The following RFTN1 variants were observed in gnomAD, a reference collection of about 807,000 sequenced individuals.
The protein encoded by RFTN1 is raftlin.
Under a neutral mutation model 46.5 loss-of-function variants are expected in RFTN1, and 26 were observed. That is an observed-to-expected ratio of 0.56 (90% CI 0.41 to 0.78). The LOEUF (loss-of-function observed/expected upper bound fraction) is 0.78, where lower values mean the gene tolerates loss of function less well. Among genes scored for constraint, RFTN1 ranks in the 30% least tolerant of loss-of-function variants. The pLI is 0.00. For synonymous variants in RFTN1, 261 were observed against 284.2 expected (o/e 0.92, Z 0.82); for missense variants, 693 against 718.7 (o/e 0.96, Z 0.41).
In RFTN1 at chr3:16,486,460, C is replaced by T. The variant is rs150347694; in HGVS notation, c.145+7265G>A. Reference sequence around the variant, plus strand: ...AACATGCTCCAACCAAACTGAACTGCCTGTGGCTCCCCACATATGCAGGGT... The same window carrying T: ...AACATGCTCCAACCAAACTGAACTGTCTGTGGCTCCCCACATATGCAGGGT... On this transcript the variant is annotated intron_variant, in intron 2 of 9. Transcript: ENST00000334133. Among the ~76,000 whole-genome samples the T allele has an allele frequency of 5.3e-4, 81 of 152,318 alleles. 1 individual carries two copies. In the East Asian group the frequency reaches 0.013, roughly 24 times the overall value.
intron 4 of RFTN1, among the ~76,000 whole-genome samples, chr3:16,390,387 C>T (rs948965331): frequency 2.0e-5 from 3 of 152,220 alleles, no homozygotes; most frequent in African/African-American, 7.2e-5. Context: ...CTTCAGAGAT[C>T]TGCTTTAATA....
chr3:16,493,925 T>C, intron 1 of RFTN1, 48 bp from the exon 2 acceptor site: 3 of 1,609,574 alleles, frequency 1.9e-6, no homozygotes, highest in South Asian at 1.1e-5. Context: ...TTCTGAGATT[T>C]TGTCTTTAAA....
rs778098477 is a variant in RFTN1, at chr3:16,356,415, G to A, written c.1146+1517C>T. Among the ~76,000 whole-genome samples the A allele has an allele frequency of 2.0e-5, 3 of 152,288 alleles. No homozygotes were observed. The highest frequency in any genetic ancestry group is 4.4e-5 in the Non-Finnish European group (3 of 68,034). On this transcript the variant is annotated intron_variant, in intron 7 of 9. Transcript: ENST00000334133. The surrounding 1 kb of genome is among the most constrained non-coding windows in gnomAD (Gnocchi z 4.9). ...TGACTTTCCAACTCCTGCTTCTGACGACTCCAGTTCCTTTGGGTACTCCAT... is the reference window on the plus strand; with the variant it reads ...TGACTTTCCAACTCCTGCTTCTGACAACTCCAGTTCCTTTGGGTACTCCAT...
chr3:16,513,067 C>T lies in RFTN1; in HGVS notation c.-9+375G>A, dbSNP rs1693735244. 6.6e-6 allele frequency: 1 copy of T among 152,578 alleles called. No homozygotes were observed. Among genetic ancestry groups the T allele is most frequent in the Non-Finnish European group, 1.5e-5 (1 of 68,302 alleles). The allele number at this position is 152,578 out of a possible 1,614,324, so 9.5% of individuals were successfully genotyped here. Reference sequence around the variant, plus strand: ...ACCCCAGCGGCAGTGTGTCCTGGACCCACCTGTAGCCTCCAAGCTCCCCCA... The same window carrying T: ...ACCCCAGCGGCAGTGTGTCCTGGACTCACCTGTAGCCTCCAAGCTCCCCCA... On this transcript the variant is annotated intron_variant, in intron 1 of 9. Coordinates refer to ENST00000334133, the MANE Select transcript of RFTN1 (RefSeq NM_015150.2). This position sits in a 1 kb window ranked among gnomAD's most constrained non-coding sequence, Gnocchi z 5.4.
At chr3:16,372,507 A>C (rs546608235) in intron 5 of RFTN1, among the ~76,000 whole-genome samples, 1 of 152,232 alleles carries the variant, frequency 6.6e-6, no homozygotes, top group South Asian at 2.1e-4. Flanking sequence ...GCTACAGTCA[A>C]GCACAAATGC....
At chr3:16,495,831 C>A (rs975059995) in intron 1 of RFTN1, among the ~76,000 whole-genome samples, 1 of 152,248 alleles carries the variant, frequency 6.6e-6, no homozygotes, top group Non-Finnish European at 1.5e-5. Context: ...CTGAGCACAG[C>A]AAGGTCTGGA....
chr3:16,470,122 A>C (rs751553426), intron 2 of RFTN1, among the ~76,000 whole-genome samples: 2 of 152,124 alleles, frequency 1.3e-5, no homozygotes, highest in Admixed American at 1.3e-4. Context: ...TCATTTGTCT[A>C]TCTTTAAAAT....
rs1298796241 is a variant in RFTN1 at position 16,329,154 on chromosome 3, TC to T, written c.1147-2279del. ...GCTACAAGTTCAGTCTCCTGCTCTC[TC>T]CCCTCTTTTCTGCGCTTCCGCCTCG... On this transcript the variant is annotated intron_variant, in intron 7 of 9. Coordinates refer to ENST00000334133, the MANE Select transcript of RFTN1 (RefSeq NM_015150.2). This position sits in a 1 kb window ranked among gnomAD's most constrained non-coding sequence, Gnocchi z 4.5. Among the ~76,000 whole-genome samples, 2 of 152,190 alleles carry T rather than the reference TC, an allele frequency of 1.3e-5. No homozygotes were observed. Among genetic ancestry groups the T allele is most frequent in the African/African-American group, 4.8e-5 (2 of 41,444 alleles).
Position 16,342,797 on chromosome 3 carries a change from G to A in RFTN1, c.1146+15135C>T, listed in dbSNP as rs1289677691. On this transcript the variant is annotated intron_variant, in intron 7 of 9. Coordinates refer to ENST00000334133, the MANE Select transcript of RFTN1 (RefSeq NM_015150.2). The surrounding 1 kb of genome is among the most constrained non-coding windows in gnomAD (Gnocchi z 4.0). ...ATGCATGCCCAGCTTATTCAAGTTG[G>A]AAGGGGTCAGGGTGGACCTCTAGTC... Among the ~76,000 whole-genome samples the A allele has an allele frequency of 1.3e-5, 2 of 152,148 alleles. No homozygotes were observed. The highest frequency in any genetic ancestry group is 2.9e-5 in the Non-Finnish European group (2 of 68,018).
chr3:16,454,082 G>A (rs2075864104), intron 2 of RFTN1, among the ~76,000 whole-genome samples: 1 of 152,218 alleles, frequency 6.6e-6, no homozygotes, highest in African/African-American at 2.4e-5. Flanking sequence ...CCAGATCTGA[G>A]CTTCCCTAGA....
At chr3:16,437,352 A>C (rs17272509) in intron 2 of RFTN1, among the ~76,000 whole-genome samples, 12,836 of 152,180 alleles carry the variant, frequency 0.084, 663 homozygotes, top group Middle Eastern at 0.13. Context: ...CAGCCATAGA[A>C]GTACTACCAG....
chr3:16,413,986 C>G lies in RFTN1; in HGVS notation c.333-4503G>C, dbSNP rs1032141455. Among the ~76,000 whole-genome samples, 85 of 152,308 alleles carry G rather than the reference C, an allele frequency of 5.6e-4. No individual in the cohort carries two copies. The highest frequency in any genetic ancestry group is 6.0e-4 in the Non-Finnish European group (41 of 68,020). On this transcript the variant is annotated intron_variant, in intron 3 of 9. Transcript: ENST00000334133. This position sits in a 1 kb window ranked among gnomAD's most constrained non-coding sequence, Gnocchi z 4.7. Reference sequence around the variant, plus strand: ...AAGGATTAAATAGGACAAAAAGAAGCAAAGCCCTTAGCACAGAGGTACAAC... The same window carrying G: ...AAGGATTAAATAGGACAAAAAGAAGGAAAGCCCTTAGCACAGAGGTACAAC...
At chr3:16,486,162 CCA>C (rs1174296268) in intron 2 of RFTN1, among the ~76,000 whole-genome samples, 1 of 152,132 alleles carries the variant, frequency 6.6e-6, no homozygotes, top group East Asian at 1.9e-4. Context: ...TCTCTTTCCC[CCA>C]CTCCTTTTCT....
rs1409094009 is a variant in RFTN1, at chr3:16,382,563, C to T, written c.442-4461G>A. Among the ~76,000 whole-genome samples the T allele has an allele frequency of 6.6e-6, 1 of 152,156 alleles. No individual in the cohort carries two copies. Among genetic ancestry groups the T allele is most frequent in the African/African-American group, 2.4e-5 (1 of 41,432 alleles). On this transcript the variant is annotated intron_variant, in intron 4 of 9. Coordinates refer to ENST00000334133, the MANE Select transcript of RFTN1 (RefSeq NM_015150.2). The surrounding 1 kb of genome is among the most constrained non-coding windows in gnomAD (Gnocchi z 4.7). ...TACTCACATGGGTTTAGCTACAAAT[C>T]AGATGTTCATTATTCCTAAGTGTGA... is the stretch of plus-strand genomic sequence containing the variant.
At position 16,402,297 on chromosome 3, in the gene RFTN1, CA is replaced by C. The variant is rs1369137508; in HGVS notation, c.441+7077del. On this transcript the variant is annotated intron_variant, in intron 4 of 9. Coordinates refer to ENST00000334133, the MANE Select transcript of RFTN1 (RefSeq NM_015150.2). The surrounding 1 kb of genome is among the most constrained non-coding windows in gnomAD (Gnocchi z 4.5). ...GCTTATGTATTAAGTCCTGAAGACA[CA>C]ACAGTAAGCAGGGTACCCCATTGCC... Among the ~76,000 whole-genome samples, 1 of 152,160 alleles carries C rather than the reference CA, an allele frequency of 6.6e-6. No homozygotes were observed. Among genetic ancestry groups the C allele is most frequent in the Non-Finnish European group, 1.5e-5 (1 of 68,024 alleles).
rs73043139 is a variant in RFTN1, at chr3:16,428,719, A to C, written c.332+5132T>G. 5.0e-3 allele frequency among the ~76,000 whole-genome samples: 756 copies of C among 152,320 alleles called. 3 individuals are homozygous for C. Among genetic ancestry groups the C allele is most frequent in the Admixed American group, 8.6e-3 (132 of 15,292 alleles). Reference sequence around the variant, plus strand: ...CCTAGCTCCATGTGTGTACAACGACAATTCAACAGCTGAAAAATGGCCAGC... The same window carrying C: ...CCTAGCTCCATGTGTGTACAACGACCATTCAACAGCTGAAAAATGGCCAGC... On this transcript the variant is annotated intron_variant, in intron 3 of 9. Transcript: ENST00000334133. This position sits in a 1 kb window ranked among gnomAD's most constrained non-coding sequence, Gnocchi z 4.7.
At position 16,351,024 on chromosome 3, in the gene RFTN1, A is replaced by G. The variant is rs1254250859; in HGVS notation, c.1146+6908T>C. ...AAAAGCTTGAGCCCCAGAAACCTGC[A>G]GAACTTCATGAAGAACAAGTGAGAC... On this transcript the variant is annotated intron_variant, in intron 7 of 9. Transcript: ENST00000334133. The surrounding 1 kb of genome is among the most constrained non-coding windows in gnomAD (Gnocchi z 5.4). 6.6e-6 allele frequency among the ~76,000 whole-genome samples: 1 copy of G among 152,230 alleles called. No individual in the cohort carries two copies.
Position 16,446,982 on chromosome 3 carries a change from C to G in RFTN1, c.146-12945G>C, listed in dbSNP as rs1410304524. 2.0e-5 allele frequency among the ~76,000 whole-genome samples: 3 copies of G among 152,198 alleles called. No individual in the cohort carries two copies. Among genetic ancestry groups the G allele is most frequent in the African/African-American group, 4.8e-5 (2 of 41,464 alleles). ...TAAAGACCACGTGTAAGACTAGTTTCAAGAGGCTTATGACAGAATAAATTC... is the reference window on the plus strand; with the variant it reads ...TAAAGACCACGTGTAAGACTAGTTTGAAGAGGCTTATGACAGAATAAATTC... On this transcript the variant is annotated intron_variant, in intron 2 of 9. Coordinates refer to ENST00000334133, the MANE Select transcript of RFTN1 (RefSeq NM_015150.2). The surrounding 1 kb of genome is among the most constrained non-coding windows in gnomAD (Gnocchi z 4.5).
Position 16,370,632 on chromosome 3 carries a change from A to C in RFTN1, c.827-353T>G, listed in dbSNP as rs2073457128. 6.6e-6 allele frequency among the ~76,000 whole-genome samples: 1 copy of C among 152,238 alleles called. No homozygotes were observed. Among genetic ancestry groups the C allele is most frequent in the Non-Finnish European group, 1.5e-5 (1 of 68,042 alleles). ...TCATACAAAGATGTGTTTTAGAAAT[A>C]AAAGCAGACATACTTGGGTGAGAAT... is the stretch of plus-strand genomic sequence containing the variant. On this transcript the variant is annotated intron_variant, in intron 5 of 9. Coordinates refer to ENST00000334133, the MANE Select transcript of RFTN1 (RefSeq NM_015150.2). This position sits in a 1 kb window ranked among gnomAD's most constrained non-coding sequence, Gnocchi z 5.5.
Sources: allele counts gnomAD v4.1 joint callset (sites outside exome capture counted in the v4.1 genomes callset), GRCh38; gene constraint gnomAD v4.1.1; non-coding constraint Gnocchi (gnomAD v3.1); transcripts MANE v1.5; gene names NCBI Gene and HGNC (gene_info 2026-07-23, HGNC 2026-07-21).